Variants in ALPP observed in about 807,000 individuals in gnomAD.
ALPP encodes the protein alkaline phosphatase, placental, also known as alkaline phosphatase, placental type.
Under a neutral mutation model 50.7 loss-of-function variants are expected in ALPP, and 39 were observed. The observed-to-expected ratio is 0.77, with a 90% CI of 0.60 to 1.00. The LOEUF is 1.00. Ranked by LOEUF, ALPP falls within the 50% of genes least tolerant of loss-of-function variation. The pLI is 0.00. For missense variants in ALPP, 550 were observed against 746.8 expected (o/e 0.74, Z 3.07); for synonymous variants, 226 against 320.3 (o/e 0.71, Z 3.14).
At position 232,379,765 on chromosome 2, in the gene ALPP, G is replaced by A. The variant is rs1130343; in HGVS notation, c.486G>A (p.Gly162=). The A allele has an allele frequency of 5.6e-6, 9 of 1,613,856 alleles. No homozygotes were observed. The highest frequency in any genetic ancestry group is 2.2e-5 in the East Asian group (1 of 44,894). ...TATACTGACCTCTGACACCCTTAGG[G>A]AAGTCAGTGGGAGTGGTAACCACCA... is the stretch of plus-strand genomic sequence containing the variant. ...ISVMNRAKKA[G]KSVGVVTTTR... is the part of the protein sequence containing the mutation. Residue 162 remains glycine (G), a splice_region_variant and synonymous_variant, in exon 5 of 11, where the codon GGG becomes GGA. Coordinates refer to ENST00000392027, the MANE Select transcript of ALPP (RefSeq NM_001632.5).
At position 232,378,822 on chromosome 2, in the gene ALPP, T is replaced by G; in HGVS notation, c.20T>G (p.Leu7Arg). The change falls in exon 1 of 11, where the codon CTG becomes CGG. Residue 7 changes from leucine (L) to arginine (R), a missense_variant. By Grantham distance (102) the Leu-to-Arg change is moderately radical. Coordinates refer to ENST00000392027, the MANE Select transcript of ALPP (RefSeq NM_001632.5). ...CCAGACATGCTGGGGCCCTGCATGC[T>G]GCTGCTGCTGCTGCTGCTGGGCCTG... MLGPCM[L>R]LLLLLLGLRL... The G allele has an allele frequency of 6.2e-7, 1 of 1,609,210 alleles. No individual in the cohort carries two copies. The highest frequency in any genetic ancestry group is 1.1e-5 in the South Asian group (1 of 90,774).
In ALPP at chr2:232,381,717, G is replaced by A. The variant is rs757657570; in HGVS notation, c.1530G>A (p.Pro510=). The A allele has an allele frequency of 3.1e-5, 50 of 1,603,076 alleles. 1 individual carries two copies. In the Middle Eastern group the frequency reaches 9.6e-4, roughly 31 times the overall value. The part of the protein sequence containing the change: ...PPAGTTDAAH[P]GRSVVPALLP... ...CCGGCACCACCGACGCCGCGCACCCGGGGCGGTCCGTGGTCCCCGCGTTGC... is the reference window on the plus strand; with the variant it reads ...CCGGCACCACCGACGCCGCGCACCCAGGGCGGTCCGTGGTCCCCGCGTTGC... Residue 510 remains proline, a synonymous_variant, in exon 11 of 11, where the codon CCG becomes CCA. Transcript: ENST00000392027.
chr2:232,378,779 C>A lies in ALPP; in HGVS notation c.-24C>A, dbSNP rs1286252809. The stretch of plus-strand genomic sequence containing the variant: ...CTCCATGCCCAGAATTCCTGCCTCG[C>A]CACTGTCCTGCTGCCCTCCAGACAT... On this transcript the variant is annotated 5_prime_UTR_variant, in exon 1 of 11. Transcript: ENST00000392027. The A allele has an allele frequency of 1.2e-6, 2 of 1,611,308 alleles. No individual in the cohort carries two copies. The highest frequency in any genetic ancestry group is 1.1e-5 in the South Asian group (1 of 90,674).
Position 232,382,210 on chromosome 2 carries a change from G to A in ALPP, c.*415G>A, listed in dbSNP as rs1575046780. Reference sequence around the variant, plus strand: ...GGACTTGAGGACTCGGGATCTTCAGGACGCCTGGAGAAGGGTGGTTTCCTG... The same window carrying A: ...GGACTTGAGGACTCGGGATCTTCAGAACGCCTGGAGAAGGGTGGTTTCCTG... On this transcript the variant is annotated 3_prime_UTR_variant, in exon 11 of 11. Transcript: ENST00000392027. The A allele has an allele frequency of 4.4e-6, 1 of 226,500 alleles. No homozygotes were observed. The highest frequency in any genetic ancestry group is 1.2e-4 in the East Asian group (1 of 8,606). The allele number at this position is 226,500 out of a possible 1,614,324, so 14.0% of individuals were successfully genotyped here.
chr2:232,381,861 C>T lies in ALPP; in HGVS notation c.*66C>T, dbSNP rs898880156. The stretch of plus-strand genomic sequence containing the variant: ...TCTCCTGCTCCCCACCTCCTGTCGT[C>T]CTGCCTGGCCTCCAGCCCGAGTCGT... On this transcript the variant is annotated 3_prime_UTR_variant, in exon 11 of 11. Transcript: ENST00000392027. 2 of 1,500,318 alleles carry T rather than the reference C, an allele frequency of 1.3e-6. No individual in the cohort carries two copies. The highest frequency in any genetic ancestry group is 2.8e-5 in the African/African-American group (2 of 72,322). The allele number at this position is 1,500,318 out of a possible 1,614,324, so 92.9% of individuals were successfully genotyped here.
In ALPP at chr2:232,381,591, G is replaced by A. The variant is rs1300665366; in HGVS notation, c.1404G>A (p.Ala468=). Residue 468 remains alanine, a synonymous_variant, in exon 11 of 11, where the codon GCG becomes GCA. Transcript: ENST00000392027. ...CGGTGTTCGCGCGCGGCCCGCAGGC[G>A]CACCTGGTTCACGGCGTGCAGGAGC... is the stretch of plus-strand genomic sequence containing the variant. ...DVAVFARGPQ[A]HLVHGVQEQT... 16 of 1,612,524 alleles carry A rather than the reference G, an allele frequency of 9.9e-6. No individual in the cohort carries two copies. The highest frequency in any genetic ancestry group is 1.4e-5 in the Non-Finnish European group (16 of 1,179,672).
rs1696653320 is a variant in ALPP at position 232,379,104 on chromosome 2, T to A, written c.193+17T>A. 1 of 1,613,944 alleles carries A rather than the reference T, an allele frequency of 6.2e-7. No homozygotes were observed. Among genetic ancestry groups the A allele is most frequent in the Non-Finnish European group, 8.5e-7 (1 of 1,180,004 alleles). On this transcript the variant is annotated intron_variant, in intron 2 of 10. Transcript: ENST00000392027. ...TGGGCGATGGTGAGTGAGCCAGGCC[T>A]TCCAGCCCTGCAGCCCTCACAGCCC...
At position 232,379,074 on chromosome 2, in the gene ALPP, C is replaced by T; in HGVS notation, c.180C>T (p.Ile60=). ...PAQTAAKNLI[I]FLGDGMGVST... Reference sequence around the variant, plus strand: ...AGACAGCCGCCAAGAACCTCATCATCTTCCTGGGCGATGGTGAGTGAGCCA... The same window carrying T: ...AGACAGCCGCCAAGAACCTCATCATTTTCCTGGGCGATGGTGAGTGAGCCA... Residue 60 remains isoleucine, a synonymous_variant, in exon 2 of 11, where the codon ATC becomes ATT. Coordinates refer to ENST00000392027, the MANE Select transcript of ALPP (RefSeq NM_001632.5). 6.2e-7 allele frequency: 1 copy of T among 1,614,126 alleles called. No individual in the cohort carries two copies. The highest frequency in any genetic ancestry group is 8.5e-7 in the Non-Finnish European group (1 of 1,180,034).
chr2:232,382,059 G>T lies in ALPP; in HGVS notation c.*264G>T, dbSNP rs1346442145. The stretch of plus-strand genomic sequence containing the variant: ...GGCTGCCTGCACCCCAGGAAAGGAG[G>T]GGGCTCAGGCCATCCAGCCACCACC... On this transcript the variant is annotated 3_prime_UTR_variant, in exon 11 of 11. Coordinates refer to ENST00000392027, the MANE Select transcript of ALPP (RefSeq NM_001632.5). 6.1e-5 allele frequency: 38 copies of T among 622,468 alleles called. No individual in the cohort carries two copies. The East Asian group carries it at 1.0e-3, about 16-fold the overall frequency. The allele number at this position is 622,468 out of a possible 1,614,324, so 38.6% of individuals were successfully genotyped here. A position where few individuals can be genotyped will look rare whatever the true frequency, so the allele number is the denominator to read the frequency against.
rs754751542 is a variant in ALPP, at chr2:232,379,228, C to T, written c.222C>T (p.Ala74=). The part of the protein sequence containing the change: ...DGMGVSTVTA[A]RILKGQKKDK... ...TGGGGGTGTCTACGGTGACAGCTGCCAGGATCCTAAAAGGGCAGAAGAAGG... is the reference window on the plus strand; with the variant it reads ...TGGGGGTGTCTACGGTGACAGCTGCTAGGATCCTAAAAGGGCAGAAGAAGG... Residue 74 remains alanine (A), a synonymous_variant, in exon 3 of 11, where the codon GCC becomes GCT. Coordinates refer to ENST00000392027, the MANE Select transcript of ALPP (RefSeq NM_001632.5). 1 of 1,614,038 alleles carries T rather than the reference C, an allele frequency of 6.2e-7. No individual in the cohort carries two copies. The highest frequency in any genetic ancestry group is 1.3e-5 in the African/African-American group (1 of 74,956).
chr2:232,379,130 C>A, intron 2 of ALPP, 43 bp downstream of exon 2: 1 of 1,614,068 alleles, frequency 6.2e-7, no homozygotes, highest in African/African-American at 1.3e-5. Context: ...CTCACAGCCC[C>A]GGCGCCCGGA....
rs1696665515 is a variant in ALPP, at chr2:232,379,578, C to G, written c.375C>G (p.Val125=). ...CAGCCACGGCCTACCTGTGCGGGGT[C>G]AAGGGCAACTTCCAGACCATTGGCT... ...GATATAYLCG[V]KGNFQTIGLS... Residue 125 remains valine, a synonymous_variant, in exon 4 of 11, where the codon GTC becomes GTG. Transcript: ENST00000392027. The G allele has an allele frequency of 1.9e-6, 3 of 1,613,998 alleles. No homozygotes were observed. Among genetic ancestry groups the G allele is most frequent in the Non-Finnish European group, 1.7e-6 (2 of 1,180,044 alleles).
Position 232,380,606 on chromosome 2 carries a change from G to A in ALPP, c.866-17G>A, listed in dbSNP as rs373652256. The A allele has an allele frequency of 3.5e-5, 56 of 1,613,738 alleles. No homozygotes were observed. The highest frequency in any genetic ancestry group is 8.8e-5 in the South Asian group (8 of 91,016). On this transcript the variant is annotated splice_polypyrimidine_tract_variant and intron_variant, in intron 7 of 10. Transcript: ENST00000392027. Reference sequence around the variant, plus strand: ...ACCCCCAGCCTGCCAGTCACCACAGGACCCCTTGTCCCACAGGTCTCTTTG... The same window carrying A: ...ACCCCCAGCCTGCCAGTCACCACAGAACCCCTTGTCCCACAGGTCTCTTTG...
chr2:232,379,270 G>T lies in ALPP; in HGVS notation c.264G>T (p.Glu88Asp). 1 of 1,614,080 alleles carries T rather than the reference G, an allele frequency of 6.2e-7. No homozygotes were observed. Among genetic ancestry groups the T allele is most frequent in the Non-Finnish European group, 8.5e-7 (1 of 1,180,026 alleles). ...AGAAGAAGGACAAACTGGGGCCTGAGATACCCCTGGCCATGGACCGCTTCC... is the reference window on the plus strand; with the variant it reads ...AGAAGAAGGACAAACTGGGGCCTGATATACCCCTGGCCATGGACCGCTTCC... ...KGQKKDKLGP[E>D]IPLAMDRFPY... is the part of the protein sequence containing the mutation. The change falls in exon 3 of 11, where the codon GAG becomes GAT. Residue 88 changes from glutamate (E) to aspartate (D), a missense_variant. By Grantham distance (45) the Glu-to-Asp change is conservative (BLOSUM62 2). Around this residue, in one of 5 missense-constraint regions of ALPP, gnomAD observed 376 missense variants for 388.5 expected, o/e 0.97. Transcript: ENST00000392027.
rs1398234905 is a variant in ALPP, at chr2:232,382,072, T to C, written c.*277T>C. The C allele has an allele frequency of 1.7e-6, 1 of 590,430 alleles. No homozygotes were observed. Among genetic ancestry groups the C allele is most frequent in the East Asian group, 2.9e-5 (1 of 33,970 alleles). 36.6% of individuals were successfully genotyped at this position (590,430 alleles called of 1,614,324 possible). A position where few individuals can be genotyped will look rare whatever the true frequency, so the allele number is the denominator to read the frequency against. ...CCAGGAAAGGAGGGGGCTCAGGCCA[T>C]CCAGCCACCACCTACAGCCCAGTGG... is the stretch of plus-strand genomic sequence containing the variant. On this transcript the variant is annotated 3_prime_UTR_variant, in exon 11 of 11. Coordinates refer to ENST00000392027, the MANE Select transcript of ALPP (RefSeq NM_001632.5).
At chr2:232,380,398 C>T (rs1696684459) in intron 6 of ALPP, 22 bp from the exon 7 acceptor site, 1 of 1,613,544 alleles carries the variant, frequency 6.2e-7, no homozygotes. Flanking sequence ...GGGCTGAGGC[C>T]TGGCTCTCTC....
Position 232,379,497 on chromosome 2 carries a change from G to C in ALPP, c.310-16G>C. 6.2e-7 allele frequency: 1 copy of C among 1,613,930 alleles called. No individual in the cohort carries two copies. Among genetic ancestry groups the C allele is most frequent in the Non-Finnish European group, 8.5e-7 (1 of 1,179,986 alleles). On this transcript the variant is annotated splice_polypyrimidine_tract_variant and intron_variant, in intron 3 of 10. Transcript: ENST00000392027. ...TGTCTGCCCCAGAGAAGAGCTCAGA[G>C]TGTCTCTGTCCCCAGACATACAATG...
chr2:232,380,172 T>C lies in ALPP; in HGVS notation c.658-14T>C. 3 of 1,613,954 alleles carry C rather than the reference T, an allele frequency of 1.9e-6. No homozygotes were observed. Among genetic ancestry groups the C allele is most frequent in the Non-Finnish European group, 2.5e-6 (3 of 1,179,918 alleles). On this transcript the variant is annotated splice_polypyrimidine_tract_variant and intron_variant, in intron 5 of 10. Coordinates refer to ENST00000392027, the MANE Select transcript of ALPP (RefSeq NM_001632.5). ...CAGGGCCCCAAATCCACCTGCCCCA[T>C]CCTCTGTTCCCAGGTGATCCTAGGT...
At chr2:232,379,743 A>C (rs1333959460) in intron 4 of ALPP, 21 bp from the exon 5 acceptor site, 1 of 1,613,894 alleles carries the variant, frequency 6.2e-7, no homozygotes, top group Non-Finnish European at 8.5e-7. Flanking sequence ...GGTCACATAT[A>C]CTGACCTCTG....
Sources: gnomAD v4.1 joint callset for allele counts on GRCh38, gnomAD v4.1.1 for gene constraint, gnomAD v4.1.1 regional missense constraint, MANE v1.5 for transcripts, NCBI Gene and HGNC (gene_info 2026-07-23, HGNC 2026-07-21) for gene names.